The following ABCG5 variants were observed in gnomAD, a reference collection of about 807,000 sequenced individuals.
ABCG5 encodes ATP binding cassette subfamily G member 5.
Under a neutral mutation model 64.5 loss-of-function variants are expected in ABCG5, and 64 were observed. The observed-to-expected ratio is 0.99, with a 90% CI of 0.81 to 1.22. The LOEUF is 1.22. Among genes scored for constraint, ABCG5 ranks in the 50% most tolerant of loss-of-function variants. The probability of loss-of-function intolerance (pLI) is 0.00; values close to 1 mark genes in which losing one functional copy is unlikely to be tolerated. For missense variants in ABCG5, 908 were observed against 829.5 expected (o/e 1.09, Z -1.16); for synonymous variants, 385 against 326.3 (o/e 1.18, Z -1.94).
chr2:43,832,155 CTG>C, intron 2 of ABCG5, 72 bp from the exon 3 acceptor site: 2 of 1,549,022 alleles, frequency 1.3e-6, no homozygotes, highest in Non-Finnish European at 1.7e-6. Flanking sequence ...CCGAGACCCT[CTG>C]TGCAGGCATG....
chr2:43,826,166 CTTT>C (rs113184872), intron 6 of ABCG5, among the ~76,000 whole-genome samples: 5 of 141,958 alleles, frequency 3.5e-5, no homozygotes, highest in Non-Finnish European at 3.1e-5. Flanking sequence ...TTCTTTCTTT[CTTT>C]TTTTTTTTTT....
rs188239179 is a variant in ABCG5 at position 43,827,799 on chromosome 2, C to T, written c.634+184G>A. ...AGCTGTTTTGTTTGGATGATGGAAT[C>T]GCATCAGGAAATGAACTGTACAGCA... is the stretch of plus-strand genomic sequence containing the variant. On this transcript the variant is annotated intron_variant, in intron 5 of 12. Coordinates refer to ENST00000405322, the MANE Select transcript of ABCG5 (RefSeq NM_022436.3). Among the ~76,000 whole-genome samples the T allele has an allele frequency of 5.1e-4, 77 of 152,250 alleles. 1 individual carries two copies. In the East Asian group the frequency reaches 6.9e-3, roughly 14 times the overall value.
At chr2:43,833,245 G>A (rs1021596597) in intron 2 of ABCG5, among the ~76,000 whole-genome samples, 18 of 152,128 alleles carry the variant, frequency 1.2e-4, no homozygotes, top group Admixed American at 6.5e-5. Flanking sequence ...CAAGGAGGCT[G>A]AGAAGTTGGG....
intron 10 of ABCG5, 32 bp downstream of exon 10, chr2:43,822,765 C>A: frequency 6.2e-7 from 1 of 1,613,826 alleles, no homozygotes; most frequent in South Asian, 1.1e-5. Flanking sequence ...TCCATGGGAG[C>A]CCGGCCCTGG....
chr2:43,809,449 T>C (rs1343952015), downstream of ABCG5, among the ~76,000 whole-genome samples: 1 of 152,256 alleles, frequency 6.6e-6, no homozygotes, highest in African/African-American at 2.4e-5. Flanking sequence ...ATGTAGTTTA[T>C]GTACATAATT....
chr2:43,826,457 G>T lies in ABCG5; in HGVS notation c.699C>A (p.Val233=), dbSNP rs758915875. 8 of 1,614,158 alleles carry T rather than the reference G, an allele frequency of 5.0e-6. No homozygotes were observed. The highest frequency in any genetic ancestry group is 6.8e-6 in the Non-Finnish European group (8 of 1,180,044). Residue 233 remains valine (V), a synonymous_variant, in exon 6 of 13, where the codon GTC becomes GTA. Transcript: ENST00000405322. ...LDCMTANQIV[V]LLVELARRNR... ...TCCTGCGAGCCAGTTCCACCAGGAG[G>T]ACGACAATCTGATTAGCAGTCATGC...
rs1668449642 is a variant in ABCG5 at position 43,838,830 on chromosome 2, AC to A, written c.-152del. 10 of 1,425,640 alleles carry A rather than the reference AC, an allele frequency of 7.0e-6. No individual in the cohort carries two copies. In the South Asian group the frequency reaches 1.1e-4, roughly 16 times the overall value. 88.3% of individuals were successfully genotyped at this position (1,425,640 alleles called of 1,614,324 possible). A position where few individuals can be genotyped will look rare whatever the true frequency, so the allele number is the denominator to read the frequency against. ...GCAGGACTGGGACTTGGCCACGGAG[AC>A]CATTATCTGATGTACCTTTAGCCAG... On this transcript the variant is annotated 5_prime_UTR_variant, in exon 1 of 13. Coordinates refer to ENST00000405322, the MANE Select transcript of ABCG5 (RefSeq NM_022436.3). The surrounding 1 kb of genome is among the most constrained non-coding windows in gnomAD (Gnocchi z 4.2).
downstream of ABCG5, among the ~76,000 whole-genome samples, chr2:43,811,598 A>G (rs958882278): frequency 1.2e-4 from 18 of 150,138 alleles, no homozygotes; most frequent in Non-Finnish European, 2.7e-4. Flanking sequence ...TTAATACAGA[A>G]CCTTTTTTTT....
intron 4 of ABCG5, among the ~76,000 whole-genome samples, chr2:43,830,443 G>A (rs1667891702): frequency 6.6e-6 from 1 of 152,242 alleles, no homozygotes; most frequent in South Asian, 2.1e-4. Context: ...AGGACTCTCT[G>A]GGCTCTCTGA....
Position 43,820,027 on chromosome 2 carries a change from C to T in ABCG5, c.1537G>A (p.Gly513Ser), listed in dbSNP as rs1418170362. The change falls in exon 11 of 13, where the codon GGT becomes AGT. Residue 513 changes from glycine to serine, a missense_variant. Physicochemically the swap from Gly to Ser is moderately conservative, Grantham distance 56 (BLOSUM62 0). Coordinates refer to ENST00000405322, the MANE Select transcript of ABCG5 (RefSeq NM_022436.3). ...AGTAGCACAAGAGTTAGAAATTCAC[C>T]AATTAAGTGGGGGGCCAAGAGAGCA... Reference protein sequence around the residue: ...SAALLAPHLIGEFLTLVLLGI... With the variant: ...SAALLAPHLISEFLTLVLLGI... 6.2e-7 allele frequency: 1 copy of T among 1,614,112 alleles called. No individual in the cohort carries two copies. The highest frequency in any genetic ancestry group is 1.3e-5 in the African/African-American group (1 of 74,990).
At chr2:43,823,877 G>A (rs949728635) in intron 9 of ABCG5, 36 bp downstream of exon 9, 1 of 1,607,332 alleles carries the variant, frequency 6.2e-7, no homozygotes, top group African/African-American at 1.3e-5. Context: ...GGTATTTAGG[G>A]AGAAAGAGGT....
chr2:43,836,494 C>G (rs1668275993), intron 2 of ABCG5, among the ~76,000 whole-genome samples: 1 of 152,176 alleles, frequency 6.6e-6, no homozygotes, highest in African/African-American at 2.4e-5. Context: ...AGCTTTTAAC[C>G]TTAAAATGTA....
downstream of ABCG5, chr2:43,809,969 A>AT (rs578182294): frequency 2.2e-5 from 28 of 1,273,914 alleles, no homozygotes; most frequent in Admixed American, 3.7e-5. Context: ...ACCACGTGTA[A>AT]TTTTTTTTAA....
Position 43,838,245 on chromosome 2 carries a change from G to T in ABCG5, c.144-290C>A, listed in dbSNP as rs1668407900. ...CCAGGTTTCAAGACTCCTTGCATTC[G>T]CAGTACCCCCATTCCCATCCACAGA... On this transcript the variant is annotated intron_variant, in intron 1 of 12. Transcript: ENST00000405322. The surrounding 1 kb of genome is among the most constrained non-coding windows in gnomAD (Gnocchi z 4.2). 1.7e-6 allele frequency: 1 copy of T among 593,092 alleles called. No individual in the cohort carries two copies. Among genetic ancestry groups the T allele is most frequent in the Non-Finnish European group, 3.0e-6 (1 of 334,892 alleles). 36.7% of individuals were successfully genotyped at this position (593,092 alleles called of 1,614,324 possible).
chr2:43,828,423 G>A (rs2104845653), intron 4 of ABCG5: 1 of 421,550 alleles, frequency 2.4e-6, no homozygotes, highest in South Asian at 2.0e-5. Context: ...ATTGCTTGAG[G>A]CCAGGAGTTT....
At chr2:43,829,215 A>G (rs1032786087) in intron 4 of ABCG5, among the ~76,000 whole-genome samples, 2 of 152,192 alleles carry the variant, frequency 1.3e-5, no homozygotes, top group Non-Finnish European at 2.9e-5. Context: ...TGTGTTTACA[A>G]AAATCCAACC....
chr2:43,824,860 A>G (rs753127265), intron 7 of ABCG5, 29 bp downstream of exon 7: 4 of 1,612,608 alleles, frequency 2.5e-6, no homozygotes, highest in Non-Finnish European at 2.5e-6. Flanking sequence ...AAAAACATTC[A>G]TGATGGGGAA....
chr2:43,814,653 AG>A, intron 11 of ABCG5, 64 bp from the exon 12 acceptor site: 3 of 935,728 alleles, frequency 3.2e-6, no homozygotes, highest in Non-Finnish European at 5.1e-6. Flanking sequence ...CCAAATGAAA[AG>A]AAAGGCAATC....
chr2:43,808,873 G>C (rs1026621699), downstream of ABCG5, among the ~76,000 whole-genome samples: 1 of 152,054 alleles, frequency 6.6e-6, no homozygotes, highest in African/African-American at 2.4e-5. Context: ...TGCTGAGACA[G>C]AGCAATGGGT....
Sources: allele counts gnomAD v4.1 joint callset (sites outside exome capture counted in the v4.1 genomes callset), GRCh38; gene constraint gnomAD v4.1.1; non-coding constraint Gnocchi (gnomAD v3.1); transcripts MANE v1.5; gene names NCBI Gene and HGNC (gene_info 2026-07-23, HGNC 2026-07-21).